FAM135B: variants seen among roughly 807,000 people sequenced by gnomAD.
The protein encoded by FAM135B is protein FAM135B.
A neutral mutation model predicts 127.7 loss-of-function variants in FAM135B; 43 were observed. That is an observed-to-expected ratio of 0.34 (90% confidence interval 0.26 to 0.43). The LOEUF (loss-of-function observed/expected upper bound fraction) is 0.43, where lower values mean the gene tolerates loss of function less well. Ranked by LOEUF, FAM135B falls within the 20% of genes least tolerant of loss-of-function variation. The pLI is 1.00. For missense variants in FAM135B, 1,558 were observed against 1,725.6 expected, an observed-to-expected ratio of 0.90 and a Z score of 1.72; for synonymous variants, 670 against 665.1, an observed-to-expected ratio of 1.01 and a Z score of -0.11.
chr8:138,132,754 C>A lies in FAM135B; in HGVS notation c.4060G>T (p.Val1354Phe), dbSNP rs1475294868. 6.2e-7 allele frequency: 1 copy of A among 1,614,146 alleles called. No homozygotes were observed. The highest frequency in any genetic ancestry group is 8.5e-7 in the Non-Finnish European group (1 of 1,180,028). Residue 1354 changes from valine (V) to phenylalanine (F), a missense_variant, in exon 20 of 20, where the codon GTT (valine) becomes TTT (phenylalanine). Val to Phe is a conservative substitution (Grantham distance 50). Coordinates refer to ENST00000395297, the MANE Select transcript of FAM135B (RefSeq NM_015912.4). The surrounding 1 kb of genome is among the most constrained non-coding windows in gnomAD (Gnocchi z 4.5). The stretch of plus-strand genomic sequence containing the variant: ...ATTAAAGTGCAGTCCTTGGCTTCAA[C>A]CAGAGGGCCCAGGAGGTTGTTGATC... Reference protein sequence around the residue: ...EMINNLLGPLVEAKDCTLIRH... With the variant: ...EMINNLLGPLFEAKDCTLIRH...
intron 2 of FAM135B, among the ~76,000 whole-genome samples, chr8:138,352,195 A>G (rs750182418): frequency 9.2e-5 from 14 of 152,336 alleles, no homozygotes; most frequent in Admixed American, 3.9e-4. Context: ...AGCTTTGCCA[A>G]TTTGACTGTT....
intron 3 of FAM135B, among the ~76,000 whole-genome samples, chr8:138,300,968 T>G (rs1825845183): frequency 6.6e-6 from 1 of 152,098 alleles, no homozygotes; most frequent in African/African-American, 2.4e-5. Flanking sequence ...TCCAGGATGG[T>G]CTCCATCTCT....
intron 1 of FAM135B, among the ~76,000 whole-genome samples, chr8:138,469,170 A>C (rs1355364026): frequency 6.6e-6 from 1 of 152,156 alleles, no homozygotes; most frequent in Non-Finnish European, 1.5e-5. Flanking sequence ...AAAAATGCTT[A>C]AAATTTTGAA....
chr8:138,422,579 G>C (rs1472174068), intron 1 of FAM135B, among the ~76,000 whole-genome samples: 1 of 152,004 alleles, frequency 6.6e-6, no homozygotes. Flanking sequence ...TCTCACACCA[G>C]TCAGAATGGC....
chr8:138,264,527 C>A (rs1822772429), intron 4 of FAM135B, among the ~76,000 whole-genome samples: 1 of 152,082 alleles, frequency 6.6e-6, no homozygotes, highest in Admixed American at 6.6e-5. Flanking sequence ...TGAGAAGGCT[C>A]AGTAATAGAA....
chr8:138,376,931 T>C (rs78483196), intron 1 of FAM135B, among the ~76,000 whole-genome samples: 6,668 of 152,294 alleles, frequency 0.044, 411 homozygotes, highest in African/African-American at 0.14. Flanking sequence ...GAGTAAATGT[T>C]TGCACTTTTC....
intron 1 of FAM135B, among the ~76,000 whole-genome samples, chr8:138,374,792 C>T (rs1831360110): frequency 6.6e-6 from 1 of 152,130 alleles, no homozygotes; most frequent in Admixed American, 6.5e-5. Flanking sequence ...CGGGCTGAGT[C>T]CAGGCACAGG....
intron 1 of FAM135B, among the ~76,000 whole-genome samples, chr8:138,416,837 G>C (rs768686392): frequency 6.6e-6 from 1 of 152,108 alleles, no homozygotes; most frequent in East Asian, 1.9e-4. Flanking sequence ...GCTAAAAGGG[G>C]AGGAAGGTAG....
At chr8:138,169,476 C>A (rs952135618) in intron 11 of FAM135B, among the ~76,000 whole-genome samples, 2 of 151,504 alleles carry the variant, frequency 1.3e-5, no homozygotes, top group African/African-American at 2.4e-5. Flanking sequence ...ATGTTCTTCT[C>A]GGATTATTTA....
Position 138,241,125 on chromosome 8 carries a change from T to C in FAM135B, c.669+1817A>G, listed in dbSNP as rs1413096433. Among the ~76,000 whole-genome samples the C allele has an allele frequency of 6.6e-6, 1 of 152,190 alleles. No individual in the cohort carries two copies. Among genetic ancestry groups the C allele is most frequent in the Non-Finnish European group, 1.5e-5 (1 of 68,036 alleles). ...ACTGTGATGTAGTCACAGCAAAGGC[T>C]TCGGCCGACCACGGGGAGCTTTGCC... On this transcript the variant is annotated intron_variant, in intron 7 of 19. Transcript: ENST00000395297. The surrounding 1 kb of genome is among the most constrained non-coding windows in gnomAD (Gnocchi z 4.8).
intron 1 of FAM135B, among the ~76,000 whole-genome samples, chr8:138,393,877 A>G (rs958371593): frequency 1.3e-5 from 2 of 152,198 alleles, no homozygotes; most frequent in Non-Finnish European, 2.9e-5. Context: ...TAACACCCAT[A>G]TCTGGAACCC....
At chr8:138,274,048 G>T (rs1355563548) in intron 3 of FAM135B, among the ~76,000 whole-genome samples, 1 of 152,120 alleles carries the variant, frequency 6.6e-6, no homozygotes, top group African/African-American at 2.4e-5. Context: ...TTCCAGTACA[G>T]AACCTTTGAT....
intron 18 of FAM135B, among the ~76,000 whole-genome samples, chr8:138,138,331 G>C (rs1050232958): frequency 6.6e-6 from 1 of 152,238 alleles, no homozygotes; most frequent in African/African-American, 2.4e-5. Flanking sequence ...AGCAGAGTCA[G>C]TGTTTACAGG....
chr8:138,407,952 C>A (rs1345441022), intron 1 of FAM135B, among the ~76,000 whole-genome samples: 3 of 152,120 alleles, frequency 2.0e-5, no homozygotes, highest in Non-Finnish European at 4.4e-5. Flanking sequence ...ACTTTCTGAG[C>A]CGTAGGTTTC....
chr8:138,384,608 CAGAG>C (rs1232097428), intron 1 of FAM135B, among the ~76,000 whole-genome samples: 2 of 151,754 alleles, frequency 1.3e-5, no homozygotes, highest in African/African-American at 2.4e-5. Context: ...CAAGTAACTA[CAGAG>C]AGAGAGAGAC....
At chr8:138,151,085 C>T in intron 13 of FAM135B, 109 bp downstream of exon 13, 1 of 671,562 alleles carries the variant, frequency 1.5e-6, no homozygotes, top group Non-Finnish European at 2.3e-6. Context: ...TTATTTAAAT[C>T]AGAAAATCAC....
At chr8:138,419,645 A>G (rs1388292591) in intron 1 of FAM135B, among the ~76,000 whole-genome samples, 1 of 152,158 alleles carries the variant, frequency 6.6e-6, no homozygotes, top group East Asian at 1.9e-4. Context: ...AAATAAAATC[A>G]TATCCATGTT....
intron 1 of FAM135B, among the ~76,000 whole-genome samples, chr8:138,417,131 A>G (rs1834208517): frequency 6.6e-6 from 1 of 152,192 alleles, no homozygotes; most frequent in South Asian, 2.1e-4. Flanking sequence ...TAGGCTCACA[A>G]TACCCCTCTA....
At chr8:138,407,605 A>G (rs550956794) in intron 1 of FAM135B, among the ~76,000 whole-genome samples, 4 of 152,316 alleles carry the variant, frequency 2.6e-5, no homozygotes, top group South Asian at 2.1e-4. Flanking sequence ...ATAATGCTGC[A>G]TACCTACAAC....
Sources: allele counts gnomAD v4.1 joint callset (sites outside exome capture counted in the v4.1 genomes callset), GRCh38; gene constraint gnomAD v4.1.1; non-coding constraint Gnocchi (gnomAD v3.1); transcripts MANE v1.5; gene names NCBI Gene and HGNC (gene_info 2026-07-23, HGNC 2026-07-21).